The following PTPRD variants were observed in gnomAD, a reference collection of about 807,000 sequenced individuals.
PTPRD encodes receptor-type tyrosine-protein phosphatase delta.
A neutral mutation model predicts 214.5 loss-of-function variants in PTPRD; 34 were observed. The ratio of observed to expected loss-of-function variants is 0.16; its 90% confidence interval spans 0.12 to 0.21. PTPRD has a LOEUF of 0.21. PTPRD is among the 10% of genes least tolerant of loss of function. The pLI, the probability that PTPRD is intolerant of heterozygous loss-of-function variation, is 1.00. For synonymous variants in PTPRD, 1,128 were observed against 845.7 expected, an observed-to-expected ratio of 1.33 and a Z score of -5.79; for missense variants, 2,545 against 2,398.7, an observed-to-expected ratio of 1.06 and a Z score of -1.27.
chr9:10,385,223 TCTGA>T (rs753332988), intron 2 of PTPRD, among the ~76,000 whole-genome samples: 24 of 151,936 alleles, frequency 1.6e-4, no homozygotes, highest in Admixed American at 3.9e-4. Flanking sequence ...TCTTTGTGCC[TCTGA>T]CTGGGAAAAT....
chr9:10,436,863 G>A (rs1374417923), intron 2 of PTPRD, among the ~76,000 whole-genome samples: 2 of 151,726 alleles, frequency 1.3e-5, no homozygotes, highest in Non-Finnish European at 2.9e-5. Context: ...TTCAGGAGGG[G>A]CTTGAAAACA....
intron 2 of PTPRD, among the ~76,000 whole-genome samples, chr9:10,490,966 C>G (rs1264489358): frequency 6.6e-6 from 1 of 152,092 alleles, no homozygotes; most frequent in Non-Finnish European, 1.5e-5. Context: ...TAATACTGTA[C>G]ACATAATCAC....
intron 4 of PTPRD, among the ~76,000 whole-genome samples, chr9:9,979,010 A>G (rs998361618): frequency 3.3e-5 from 5 of 152,218 alleles, no homozygotes; most frequent in African/African-American, 1.2e-4. Context: ...GAAAGCAAAA[A>G]CTATACACCA....
intron 3 of PTPRD, among the ~76,000 whole-genome samples, chr9:10,070,762 G>C (rs1027459594): frequency 6.6e-6 from 1 of 151,754 alleles, no homozygotes; most frequent in African/African-American, 2.4e-5. Flanking sequence ...TATTTAGTAA[G>C]TTTTATTATG....
chr9:10,320,873 G>T (rs2096540876), intron 3 of PTPRD, among the ~76,000 whole-genome samples: 1 of 151,896 alleles, frequency 6.6e-6, no homozygotes, highest in African/African-American at 2.4e-5. Flanking sequence ...GATTACAAAT[G>T]TGTGCAACAA....
At chr9:9,740,197 C>G (rs1001587774) in intron 6 of PTPRD, among the ~76,000 whole-genome samples, 1 of 152,118 alleles carries the variant, frequency 6.6e-6, no homozygotes, top group Non-Finnish European at 1.5e-5. Context: ...TGCATGTTGT[C>G]ATATCCCACC....
At chr9:10,599,091 C>A (rs543997818) in intron 2 of PTPRD, among the ~76,000 whole-genome samples, 1 of 151,498 alleles carries the variant, frequency 6.6e-6, no homozygotes, top group East Asian at 2.0e-4. Context: ...TTGCTTTGTG[C>A]GGCGAAATTG....
chr9:10,554,195 C>G (rs955301103), intron 2 of PTPRD, among the ~76,000 whole-genome samples: 1 of 152,138 alleles, frequency 6.6e-6, no homozygotes, highest in South Asian at 2.1e-4. Context: ...GTTCCTTGCC[C>G]TTAAATGGAA....
chr9:8,523,441 T>G, intron 19 of PTPRD, 72 bp downstream of exon 19: 1 of 1,530,976 alleles, frequency 6.5e-7, no homozygotes, highest in Non-Finnish European at 9.0e-7. Context: ...TACATTCATT[T>G]CATTTGTATT....
At chr9:8,330,674 C>T (rs1197494946) in intron 44 of PTPRD, among the ~76,000 whole-genome samples, 2 of 150,742 alleles carry the variant, frequency 1.3e-5, no homozygotes, top group Admixed American at 6.6e-5. Context: ...AACTGAAGTC[C>T]AGAGAAACTT....
intron 5 of PTPRD, among the ~76,000 whole-genome samples, chr9:9,930,017 C>T (rs1177240156): frequency 2.0e-5 from 3 of 152,124 alleles, no homozygotes; most frequent in Non-Finnish European, 4.4e-5. Flanking sequence ...GATACTCAGT[C>T]TGTAGGAAAC....
chr9:10,198,054 T>G (rs2099404823), intron 3 of PTPRD, among the ~76,000 whole-genome samples: 2 of 152,112 alleles, frequency 1.3e-5, no homozygotes, highest in African/African-American at 4.8e-5. Context: ...TCATATAGTT[T>G]TTAAAAGCTT....
At chr9:10,427,311 C>T (rs568249810) in intron 2 of PTPRD, among the ~76,000 whole-genome samples, 2 of 152,118 alleles carry the variant, frequency 1.3e-5, no homozygotes, top group East Asian at 3.9e-4. Flanking sequence ...ACTATGAAAC[C>T]TATGCCTCAC....
intron 2 of PTPRD, among the ~76,000 whole-genome samples, chr9:10,538,592 T>C (rs2058407640): frequency 1.3e-5 from 2 of 152,128 alleles, no homozygotes; most frequent in Admixed American, 1.3e-4. Context: ...GTGCTATAAA[T>C]TATATAAGAC....
intron 12 of PTPRD, chr9:8,713,772 G>A (rs971744816): frequency 3.3e-6 from 5 of 1,535,758 alleles, no homozygotes; most frequent in East Asian, 2.4e-5. Context: ...AGTTCCCGCT[G>A]CCCCACCGGG....
At chr9:9,709,099 T>C (rs1038126164) in intron 7 of PTPRD, among the ~76,000 whole-genome samples, 21 of 152,106 alleles carry the variant, frequency 1.4e-4, no homozygotes, top group Admixed American at 6.5e-4. Flanking sequence ...CTGAATAAAT[T>C]GGCATATAAG....
At chr9:10,199,495 T>C (rs765993061) in intron 3 of PTPRD, among the ~76,000 whole-genome samples, 10 of 152,050 alleles carry the variant, frequency 6.6e-5, no homozygotes, top group Non-Finnish European at 1.3e-4. Flanking sequence ...CTTTATCTTC[T>C]AATCAAAACA....
chr9:9,022,796 T>C (rs1484206561), intron 10 of PTPRD, among the ~76,000 whole-genome samples: 1 of 152,202 alleles, frequency 6.6e-6, no homozygotes, highest in Non-Finnish European at 1.5e-5. Context: ...TGAAAGTAGC[T>C]GCAAAATCTA....
chr9:9,349,482 A>G (rs544804067), intron 9 of PTPRD, among the ~76,000 whole-genome samples: 1 of 152,102 alleles, frequency 6.6e-6, no homozygotes. Context: ...GTGATATAGA[A>G]GTGCCACCTA....
Sources: gnomAD v4.1 joint callset for allele counts (sites outside exome capture counted in the v4.1 genomes callset) on GRCh38, gnomAD v4.1.1 for gene constraint, MANE v1.5 for transcripts, NCBI Gene and HGNC (gene_info 2026-07-23, HGNC 2026-07-21) for gene names.